Variants in TMPRSS11A observed in about 807,000 individuals in gnomAD.
The protein encoded by TMPRSS11A is transmembrane protease serine 11A.
Under a neutral mutation model 58.9 loss-of-function variants are expected in TMPRSS11A, and 53 were observed. The ratio of observed to expected loss-of-function variants is 0.90; its 90% CI spans 0.72 to 1.13. TMPRSS11A has a LOEUF of 1.13. Ranked by LOEUF, TMPRSS11A falls within the 50% of genes most tolerant of loss-of-function variation. The probability of loss-of-function intolerance (pLI) is 0.00; values close to 1 mark genes in which losing one functional copy is unlikely to be tolerated. For missense variants in TMPRSS11A, 493 were observed against 499.3 expected (o/e 0.99, Z 0.12); for synonymous variants, 167 against 169.8 (o/e 0.98, Z 0.13).
At chr4:67,919,488 A>G (rs1175849013) in intron 7 of TMPRSS11A, among the ~76,000 whole-genome samples, 3 of 152,194 alleles carry the variant, frequency 2.0e-5, no homozygotes, top group Non-Finnish European at 4.4e-5. Context: ...AATATCATTC[A>G]TTTATCCCTT....
chr4:67,924,279 T>C (rs1720408332), intron 5 of TMPRSS11A, 113 bp from the exon 6 acceptor site: 1 of 883,068 alleles, frequency 1.1e-6, no homozygotes, highest in East Asian at 2.5e-5. Context: ...CAGTTGAACA[T>C]ATAGATTAAT....
At chr4:67,924,640 A>G (rs948473348) in intron 5 of TMPRSS11A, among the ~76,000 whole-genome samples, 1 of 152,210 alleles carries the variant, frequency 6.6e-6, no homozygotes, top group African/African-American at 2.4e-5. Context: ...AGGCCTCACA[A>G]TCATGGAGGA....
intron 3 of TMPRSS11A, among the ~76,000 whole-genome samples, chr4:67,938,648 C>T (rs1055561446): frequency 3.3e-5 from 5 of 152,112 alleles, no homozygotes; most frequent in Non-Finnish European, 5.9e-5. Context: ...TATTCCAGCA[C>T]CATTTATTGA....
At chr4:67,935,246 G>A (rs1720722261) in intron 3 of TMPRSS11A, among the ~76,000 whole-genome samples, 1 of 152,074 alleles carries the variant, frequency 6.6e-6, no homozygotes, top group Non-Finnish European at 1.5e-5. Flanking sequence ...TGACCAACTT[G>A]CCTGGCTCCA....
rs150645853 is a variant in TMPRSS11A at position 67,962,590 on chromosome 4, C to T, written c.11+793G>A. On this transcript the variant is annotated intron_variant, in intron 1 of 9. Coordinates refer to ENST00000508048, the MANE Select transcript of TMPRSS11A (RefSeq NM_001114387.2). Reference sequence around the variant, plus strand: ...ATACTTGTTCTACTTAGCCACAAGGCTGTCTTGGCTATTAAAGGAAATAAC... The same window carrying T: ...ATACTTGTTCTACTTAGCCACAAGGTTGTCTTGGCTATTAAAGGAAATAAC... Among the ~76,000 whole-genome samples the T allele has an allele frequency of 4.3e-4, 66 of 152,258 alleles. No homozygotes were observed. In the East Asian group the frequency reaches 0.011, roughly 26 times the overall value.
intron 5 of TMPRSS11A, among the ~76,000 whole-genome samples, chr4:67,926,616 C>T (rs539481322): frequency 4.6e-5 from 7 of 152,304 alleles, no homozygotes; most frequent in South Asian, 2.1e-4. Flanking sequence ...TCTCCTGCTC[C>T]GGAACCTGGC....
chr4:67,925,272 C>T (rs1352418371), intron 5 of TMPRSS11A, among the ~76,000 whole-genome samples: 1 of 152,028 alleles, frequency 6.6e-6, no homozygotes, highest in African/African-American at 2.4e-5. Context: ...ATACAGTATA[C>T]AATTTTTATT....
At chr4:67,956,044 A>G (rs189712561) in intron 1 of TMPRSS11A, among the ~76,000 whole-genome samples, 1 of 152,264 alleles carries the variant, frequency 6.6e-6, no homozygotes, top group East Asian at 1.9e-4. Context: ...GTATCTTGAG[A>G]AGTTTATAAA....
At chr4:67,924,707 A>T (rs554599631) in intron 5 of TMPRSS11A, among the ~76,000 whole-genome samples, 1 of 152,312 alleles carries the variant, frequency 6.6e-6, no homozygotes, top group African/African-American at 2.4e-5. Flanking sequence ...GAGCCAAGTG[A>T]AAGGGGAAGC....
At position 67,919,130 on chromosome 4, in the gene TMPRSS11A, G is replaced by A. The variant is rs776170302; in HGVS notation, c.795C>T (p.Arg265=). 2.8e-5 allele frequency: 46 copies of A among 1,614,054 alleles called. 1 individual carries two copies. Among genetic ancestry groups the A allele is most frequent in the South Asian group, 1.2e-4 (11 of 91,092 alleles). ...VRRFIIHEKY[R]SAAREYDIAV... is the part of the protein sequence containing the mutation. ...CAATGTCGTACTCTCTTGCTGCAGA[G>A]CGGTACTTCTCATGGATAATAAATC... Residue 265 remains arginine, a synonymous_variant, in exon 8 of 10, where the codon CGC becomes CGT. Transcript: ENST00000508048.
chr4:67,916,472 TACAC>T (rs34678013), intron 8 of TMPRSS11A, among the ~76,000 whole-genome samples: 15,490 of 150,076 alleles, frequency 0.1, 1,336 homozygotes, highest in African/African-American at 0.24. Flanking sequence ...ATATATATTA[TACAC>T]ACACACACAC....
intron 8 of TMPRSS11A, among the ~76,000 whole-genome samples, chr4:67,915,748 C>T (rs1436499207): frequency 2.0e-5 from 3 of 152,240 alleles, no homozygotes; most frequent in African/African-American, 4.8e-5. Context: ...CTTGAGGAGA[C>T]CTTCAAAGGA....
rs546673491 is a variant in TMPRSS11A at position 67,937,411 on chromosome 4, A to G, written c.253-5351T>C. Among the ~76,000 whole-genome samples the G allele has an allele frequency of 4.6e-5, 7 of 152,356 alleles. No homozygotes were observed. The South Asian group carries it at 1.4e-3, about 32-fold the overall frequency. On this transcript the variant is annotated intron_variant, in intron 3 of 9. Coordinates refer to ENST00000508048, the MANE Select transcript of TMPRSS11A (RefSeq NM_001114387.2). ...AATAAGTATACCTAATGTATCTGTCAAGAAAAAGTTAGCTAGCACAGCATA... is the reference window on the plus strand; with the variant it reads ...AATAAGTATACCTAATGTATCTGTCGAGAAAAAGTTAGCTAGCACAGCATA...
intron 5 of TMPRSS11A, among the ~76,000 whole-genome samples, chr4:67,928,954 A>G (rs1012478058): frequency 4.6e-5 from 7 of 152,236 alleles, no homozygotes; most frequent in African/African-American, 1.7e-4. Flanking sequence ...ACGAGGGTAA[A>G]CAAGTTTCTC....
At chr4:67,946,906 T>C (rs1721030073) in intron 1 of TMPRSS11A, among the ~76,000 whole-genome samples, 1 of 152,162 alleles carries the variant, frequency 6.6e-6, no homozygotes, top group South Asian at 2.1e-4. Flanking sequence ...ATCTCTTTTA[T>C]CTGTCTATCC....
intron 8 of TMPRSS11A, among the ~76,000 whole-genome samples, chr4:67,917,290 G>A (rs1423428517): frequency 6.6e-6 from 1 of 151,502 alleles, no homozygotes; most frequent in Non-Finnish European, 1.5e-5. Flanking sequence ...GCAGCATCTG[G>A]CATATATTTA....
intron 1 of TMPRSS11A, among the ~76,000 whole-genome samples, chr4:67,952,593 A>G (rs1043775252): frequency 6.6e-6 from 1 of 152,320 alleles, no homozygotes; most frequent in South Asian, 2.1e-4. Flanking sequence ...AGAGGTTCCC[A>G]TAATGGTGGC....
At chr4:67,947,522 T>C (rs1721052062) in intron 1 of TMPRSS11A, among the ~76,000 whole-genome samples, 1 of 152,226 alleles carries the variant, frequency 6.6e-6, no homozygotes, top group South Asian at 2.1e-4. Context: ...TATCCCTCAT[T>C]TCCTATAAAT....
At chr4:67,914,560 GTAATA>G in intron 9 of TMPRSS11A, 23 bp downstream of exon 9, 1 of 1,605,476 alleles carries the variant, frequency 6.2e-7, no homozygotes, top group Non-Finnish European at 8.5e-7. Flanking sequence ...TTTTGAGTTA[GTAATA>G]TAAAAAAATC....
Sources: allele counts gnomAD v4.1 joint callset (sites outside exome capture counted in the v4.1 genomes callset), GRCh38; gene constraint gnomAD v4.1.1; transcripts MANE v1.5; gene names NCBI Gene and HGNC (gene_info 2026-07-23, HGNC 2026-07-21).